NAALADL2: variants seen among roughly 807,000 people sequenced by gnomAD.
NAALADL2 encodes inactive N-acetylated-alpha-linked acidic dipeptidase-like protein 2.
A neutral mutation model predicts 87.2 loss-of-function variants in NAALADL2; 76 were observed. The ratio of observed to expected loss-of-function variants is 0.87; its 90% CI spans 0.72 to 1.05. The LOEUF (loss-of-function observed/expected upper bound fraction) is 1.05, where lower values mean the gene tolerates loss of function less well. NAALADL2 is among the 50% of genes least tolerant of loss of function. NAALADL2 has a pLI of 0.00. For missense variants in NAALADL2, 1,089 were observed against 945.8 expected, an observed-to-expected ratio of 1.15 and a Z score of -1.99; for synonymous variants, 354 against 331.0, an observed-to-expected ratio of 1.07 and a Z score of -0.75.
chr3:175,184,446 CATTA>C (rs1239393615), intron 2 of NAALADL2, among the ~76,000 whole-genome samples: 1 of 151,910 alleles, frequency 6.6e-6, no homozygotes, highest in Non-Finnish European at 1.5e-5. Flanking sequence ...CTATTTAGTA[CATTA>C]ATTAATTAAA....
intron 2 of NAALADL2, among the ~76,000 whole-genome samples, chr3:175,179,018 T>C (rs970655074): frequency 2.0e-5 from 3 of 152,046 alleles, no homozygotes; most frequent in Non-Finnish European, 4.4e-5. Context: ...ACTATTCTTC[T>C]GCCTAGAAAT....
intron 1 of NAALADL2, among the ~76,000 whole-genome samples, chr3:174,504,240 A>T (rs1044771254): frequency 2.6e-5 from 4 of 152,194 alleles, no homozygotes; most frequent in Non-Finnish European, 5.9e-5. Flanking sequence ...GTAAAATAAT[A>T]TATAAATTTT....
At chr3:174,888,214 G>A (rs1730429298) in intron 1 of NAALADL2, among the ~76,000 whole-genome samples, 1 of 152,194 alleles carries the variant, frequency 6.6e-6, no homozygotes, top group Non-Finnish European at 1.5e-5. Context: ...CAACAAAAAC[G>A]AGAGCTGTGC....
intron 3 of NAALADL2, among the ~76,000 whole-genome samples, chr3:174,834,669 A>G: frequency 6.6e-6 from 1 of 152,002 alleles, no homozygotes; most frequent in South Asian, 2.1e-4. Flanking sequence ...ACTATTAAAA[A>G]CAAATTATAA....
chr3:175,754,555 A>G (rs1486062318), intron 12 of NAALADL2, among the ~76,000 whole-genome samples: 1 of 152,222 alleles, frequency 6.6e-6, no homozygotes, highest in Non-Finnish European at 1.5e-5. Context: ...TTCACATTAC[A>G]GGACATTTCT....
intron 12 of NAALADL2, among the ~76,000 whole-genome samples, chr3:175,752,014 C>T (rs2150125784): frequency 6.6e-6 from 1 of 152,108 alleles, no homozygotes; most frequent in African/African-American, 2.4e-5. Context: ...TGTTGATGCT[C>T]ATTATGCACC....
At chr3:175,323,442 A>G (rs1421275458) in intron 4 of NAALADL2, among the ~76,000 whole-genome samples, 1 of 151,616 alleles carries the variant, frequency 6.6e-6, no homozygotes, top group Non-Finnish European at 1.5e-5. Flanking sequence ...TACATATGTA[A>G]CTAACCTGCA....
chr3:175,479,419 C>G (rs759993395), intron 9 of NAALADL2, among the ~76,000 whole-genome samples: 2 of 151,786 alleles, frequency 1.3e-5, no homozygotes, highest in African/African-American at 4.8e-5. Context: ...CTAAATAGAA[C>G]ATGCAGCCTT....
At chr3:175,787,731 C>A (rs1472660740) in intron 13 of NAALADL2, among the ~76,000 whole-genome samples, 3 of 152,070 alleles carry the variant, frequency 2.0e-5, no homozygotes, top group Non-Finnish European at 2.9e-5. Flanking sequence ...CATCTTGGCT[C>A]CTCCCCACAA....
intron 2 of NAALADL2, among the ~76,000 whole-genome samples, chr3:175,213,979 T>C (rs934190370): frequency 2.0e-5 from 3 of 152,182 alleles, no homozygotes; most frequent in Admixed American, 2.0e-4. Context: ...TACTCCATAA[T>C]GGTTTTGTTA....
chr3:175,197,506 GA>G, intron 2 of NAALADL2, among the ~76,000 whole-genome samples: 1 of 152,004 alleles, frequency 6.6e-6, no homozygotes, highest in Non-Finnish European at 1.5e-5. Flanking sequence ...ATCTGTATTT[GA>G]GGGGACACAC....
At chr3:174,849,162 A>T (rs746858421) in intron 3 of NAALADL2, among the ~76,000 whole-genome samples, 1 of 152,212 alleles carries the variant, frequency 6.6e-6, no homozygotes, top group Non-Finnish European at 1.5e-5. Flanking sequence ...CTAGGACATT[A>T]CTGTAAACTA....
At chr3:174,733,934 C>G (rs1014539725) in intron 2 of NAALADL2, among the ~76,000 whole-genome samples, 1 of 151,964 alleles carries the variant, frequency 6.6e-6, no homozygotes, top group Non-Finnish European at 1.5e-5. Flanking sequence ...TTTTGAGAGG[C>G]CTGGTGGGGG....
intron 9 of NAALADL2, among the ~76,000 whole-genome samples, chr3:175,477,903 A>C (rs550615881): frequency 6.6e-6 from 1 of 151,988 alleles, no homozygotes; most frequent in Non-Finnish European, 1.5e-5. Context: ...TTTTTCCACA[A>C]GAATTGTTGA....
chr3:175,542,137 G>A (rs1449877722), intron 9 of NAALADL2, among the ~76,000 whole-genome samples: 1 of 152,176 alleles, frequency 6.6e-6, no homozygotes, highest in Non-Finnish European at 1.5e-5. Context: ...GACTGTTAGT[G>A]TAATGGCTTT....
At chr3:174,697,721 T>C (rs182103725) in intron 2 of NAALADL2, among the ~76,000 whole-genome samples, 13 of 152,276 alleles carry the variant, frequency 8.5e-5, no homozygotes, top group African/African-American at 2.9e-4. Context: ...ATTTTTCTTA[T>C]TAAAAATAAA....
At chr3:174,506,123 A>G (rs13323164) in intron 1 of NAALADL2, among the ~76,000 whole-genome samples, 85,445 of 151,680 alleles carry the variant, frequency 0.56, 24,115 homozygotes, top group South Asian at 0.64. Flanking sequence ...AGATATAATC[A>G]TATTTTATCT....
chr3:175,534,196 G>A (rs375116633), intron 9 of NAALADL2, among the ~76,000 whole-genome samples: 73 of 151,994 alleles, frequency 4.8e-4, no homozygotes, highest in African/African-American at 1.4e-3. Flanking sequence ...TTAATATTCC[G>A]TTCCTCTAGA....
chr3:174,938,430 A>G (rs1579624615), intron 1 of NAALADL2, among the ~76,000 whole-genome samples: 1 of 152,048 alleles, frequency 6.6e-6, no homozygotes, highest in South Asian at 2.1e-4. Flanking sequence ...TGTCATTGAT[A>G]GGCATTTAAG....
Sources: allele counts gnomAD v4.1 joint callset (sites outside exome capture counted in the v4.1 genomes callset), GRCh38; gene constraint gnomAD v4.1.1; transcripts MANE v1.5; gene names NCBI Gene and HGNC (gene_info 2026-07-23, HGNC 2026-07-21).